The following NEBL variants were observed in gnomAD, a reference collection of about 807,000 sequenced individuals.
The protein encoded by NEBL is nebulette.
NEBL carries 122 observed loss-of-function variants against 140.2 expected under a neutral mutation model. The ratio of observed to expected loss-of-function variants is 0.87; its 90% CI spans 0.75 to 1.01. The LOEUF (loss-of-function observed/expected upper bound fraction) is 1.01, where lower values mean the gene tolerates loss of function less well. NEBL is among the 50% of genes least tolerant of loss of function. The pLI is 0.00. For synonymous variants in NEBL, 436 were observed against 398.9 expected (o/e 1.09, Z -1.11); for missense variants, 1,365 against 1,231.3 (o/e 1.11, Z -1.62).
chr10:20,910,082 G>A (rs1339001707), intron 4 of NEBL, among the ~76,000 whole-genome samples: 1 of 152,060 alleles, frequency 6.6e-6, no homozygotes, highest in Non-Finnish European at 1.5e-5. Flanking sequence ...TTAAAAAGTT[G>A]AATTTTTTGG....
chr10:20,819,296 T>C (rs1031773267), intron 20 of NEBL, 128 bp downstream of exon 20: 3 of 1,430,056 alleles, frequency 2.1e-6, no homozygotes, highest in Non-Finnish European at 2.9e-6. Context: ...TAGCTCTCAT[T>C]ATTATGCAGT....
chr10:20,789,067 C>G (rs1378575671), intron 26 of NEBL, among the ~76,000 whole-genome samples: 1 of 152,176 alleles, frequency 6.6e-6, no homozygotes, highest in Non-Finnish European at 1.5e-5. Flanking sequence ...AAAACAATTG[C>G]TCTCCTGGAG....
At chr10:21,033,606 G>A (rs908104654) in intron 2 of NEBL, among the ~76,000 whole-genome samples, 15 of 151,986 alleles carry the variant, frequency 9.9e-5, no homozygotes, top group African/African-American at 3.1e-4. Context: ...CAGGCATGGC[G>A]GTGTGCACCT....
At chr10:21,145,359 T>C (rs928779435) in intron 2 of NEBL, among the ~76,000 whole-genome samples, 1 of 152,238 alleles carries the variant, frequency 6.6e-6, no homozygotes, top group Non-Finnish European at 1.5e-5. Flanking sequence ...TATTTAAATG[T>C]CCATTAATTG....
At chr10:21,192,164 C>T (rs1352458149) in intron 3 of NEBL, among the ~76,000 whole-genome samples, 5 of 151,950 alleles carry the variant, frequency 3.3e-5, no homozygotes, top group Admixed American at 1.3e-4. Context: ...TTCATTCACT[C>T]ATTCCCTCTC....
rs1588886693 is a variant in NEBL, at chr10:20,869,815, G to A, written c.507C>T (p.Asp169=). The A allele has an allele frequency of 6.2e-7, 1 of 1,611,982 alleles. No individual in the cohort carries two copies. Among genetic ancestry groups the A allele is most frequent in the Admixed American group, 1.7e-5 (1 of 59,990 alleles). Residue 169 remains aspartate, a synonymous_variant, in exon 6 of 28, where the codon GAC becomes GAT. Coordinates refer to ENST00000377122, the MANE Select transcript of NEBL (RefSeq NM_006393.3). ...SNISYRKDVQ[D]THTYSAELDR... The stretch of plus-strand genomic sequence containing the variant: ...CAAGTTCTGCACTGTACGTGTGGGT[G>A]TCCTGCACGTCTTTCCTATAAGAAA...
intron 3 of NEBL, among the ~76,000 whole-genome samples, chr10:21,013,347 A>G (rs559646381): frequency 1.2e-4 from 18 of 152,350 alleles, no homozygotes; most frequent in Admixed American, 9.8e-4. Flanking sequence ...ACCATTACAT[A>G]CATGAGAAAG....
At chr10:21,253,431 A>G (rs1842612328) in intron 1 of NEBL, among the ~76,000 whole-genome samples, 2 of 152,174 alleles carry the variant, frequency 1.3e-5, no homozygotes, top group African/African-American at 4.8e-5. Context: ...GAGCCATGGC[A>G]CACAGAGGAA....
intron 12 of NEBL, 137 bp downstream of exon 12, chr10:20,845,121 A>C: frequency 3.3e-6 from 2 of 601,724 alleles, no homozygotes; most frequent in Non-Finnish European, 5.9e-6. Flanking sequence ...ACACTTTATT[A>C]GTGAAGATCA....
At chr10:20,970,605 T>C (rs916028614) in intron 3 of NEBL, among the ~76,000 whole-genome samples, 1 of 151,712 alleles carries the variant, frequency 6.6e-6, no homozygotes, top group Non-Finnish European at 1.5e-5. Context: ...GCTGTGATCA[T>C]GCCACTGCAC....
intron 3 of NEBL, among the ~76,000 whole-genome samples, chr10:21,245,467 G>A (rs7894121): frequency 0.19 from 29,278 of 152,194 alleles, 3,221 homozygotes; most frequent in African/African-American, 0.29. Context: ...CGGTAGGGAA[G>A]TAGGGATTTA....
rs374667355 is a variant in NEBL, at chr10:21,291,322, G to A, written n.182+1508C>T. ...GGAGTTCAAGACCAGCCTGGCCAAC[G>A]TGGTGAAACCCTGTCTCTACCAAAA... On this transcript the variant is annotated intron_variant and non_coding_transcript_variant, in intron 1 of 8. Coordinates refer to the NEBL transcript ENST00000675702. Among the ~76,000 whole-genome samples the A allele has an allele frequency of 1.1e-4, 17 of 150,516 alleles. No individual in the cohort carries two copies. The East Asian group carries it at 3.2e-3, about 29-fold the overall frequency.
At chr10:21,130,507 T>C (rs929309263) in intron 2 of NEBL, among the ~76,000 whole-genome samples, 2 of 152,078 alleles carry the variant, frequency 1.3e-5, no homozygotes, top group African/African-American at 4.8e-5. Context: ...AAATACACCT[T>C]AGCAAATTTA....
chr10:20,932,879 T>C (rs1038156598), intron 4 of NEBL, among the ~76,000 whole-genome samples: 2 of 152,256 alleles, frequency 1.3e-5, no homozygotes, highest in African/African-American at 4.8e-5. Flanking sequence ...TTCATGCATA[T>C]GCATATTTTC....
chr10:20,976,733 C>T (rs903519771), intron 3 of NEBL, among the ~76,000 whole-genome samples: 17 of 151,744 alleles, frequency 1.1e-4, no homozygotes, highest in African/African-American at 1.7e-4. Context: ...AACACCTGGA[C>T]GCAAAGATGG....
intron 2 of NEBL, among the ~76,000 whole-genome samples, chr10:21,106,729 A>C (rs1480718922): frequency 1.3e-5 from 2 of 152,188 alleles, no homozygotes; most frequent in African/African-American, 4.8e-5. Flanking sequence ...GAAGAAAGTC[A>C]GTAGTAGCTT....
rs188734294 is a variant in NEBL at position 21,172,777 on chromosome 10, G to A, written c.70-300C>T. 6.1e-3 allele frequency among the ~76,000 whole-genome samples: 934 copies of A among 152,264 alleles called. 7 individuals carry two copies. Among genetic ancestry groups the A allele is most frequent in the African/African-American group, 0.021 (879 of 41,542 alleles). On this transcript the variant is annotated intron_variant, in intron 1 of 6. Transcript: ENST00000417816. Reference sequence around the variant, plus strand: ...GCAGCCAGAAACGATTTCTGAGCTCGGTTAATGAAGAAACGGGGCCCAGAG... The same window carrying A: ...GCAGCCAGAAACGATTTCTGAGCTCAGTTAATGAAGAAACGGGGCCCAGAG...
intron 18 of NEBL, among the ~76,000 whole-genome samples, chr10:20,825,912 G>A (rs1420716940): frequency 1.3e-5 from 2 of 152,182 alleles, no homozygotes; most frequent in Non-Finnish European, 2.9e-5. Flanking sequence ...CGTTTCTGCT[G>A]GAAGAAGCAG....
intron 3 of NEBL, among the ~76,000 whole-genome samples, chr10:21,239,726 TGCAGTAAGTG>T: frequency 6.6e-6 from 1 of 152,184 alleles, no homozygotes; most frequent in South Asian, 2.1e-4. Flanking sequence ...TGTTAAAAAA[TGCAGTAAGTG>T]GCAGGGCGCG....
Sources: gnomAD v4.1 joint callset for allele counts (sites outside exome capture counted in the v4.1 genomes callset) on GRCh38, gnomAD v4.1.1 for gene constraint, MANE v1.5 for transcripts, NCBI Gene and HGNC (gene_info 2026-07-23, HGNC 2026-07-21) for gene names.